DCDC1: variants seen among roughly 807,000 people sequenced by gnomAD.
DCDC1 encodes the protein doublecortin domain-containing protein 1.
In DCDC1, 200 loss-of-function variants were observed where a neutral mutation model predicts 178.3. The observed-to-expected ratio is 1.12, with a 90% CI of 1.00 to 1.26. The LOEUF (loss-of-function observed/expected upper bound fraction) is 1.26, where lower values mean the gene tolerates loss of function less well. Among genes scored for constraint, DCDC1 ranks in the 50% most tolerant of loss-of-function variants. The pLI is 0.00. For missense variants in DCDC1, 1,983 were observed against 1,749.2 expected, an observed-to-expected ratio of 1.13 and a Z score of -2.38; for synonymous variants, 690 against 604.8, an observed-to-expected ratio of 1.14 and a Z score of -2.07.
At chr11:30,920,429 T>C (rs1946164093) in intron 25 of DCDC1, among the ~76,000 whole-genome samples, 2 of 152,214 alleles carry the variant, frequency 1.3e-5, no homozygotes, top group Admixed American at 6.5e-5. Context: ...TATTAACATG[T>C]GTCAACTTGA....
chr11:31,178,657 CTT>C (rs2136270963), intron 9 of DCDC1, among the ~76,000 whole-genome samples: 1 of 152,232 alleles, frequency 6.6e-6, no homozygotes, highest in South Asian at 2.1e-4. Context: ...ATAAAAACAA[CTT>C]AAACAACTCA....
At chr11:31,058,179 G>A (rs1050013974) in intron 20 of DCDC1, among the ~76,000 whole-genome samples, 2 of 152,118 alleles carry the variant, frequency 1.3e-5, no homozygotes, top group South Asian at 2.1e-4. Flanking sequence ...ATTGACACAC[G>A]AGTAGATCAT....
chr11:31,346,268 T>C (rs1236986870), intron 1 of DCDC1, among the ~76,000 whole-genome samples: 1 of 151,984 alleles, frequency 6.6e-6, no homozygotes, highest in African/African-American at 2.4e-5. Flanking sequence ...GAGACTAGCC[T>C]GGCCAATATG....
At chr11:31,334,946 G>A (rs535824201) in intron 2 of DCDC1, among the ~76,000 whole-genome samples, 7 of 152,246 alleles carry the variant, frequency 4.6e-5, no homozygotes, top group East Asian at 3.9e-4. Flanking sequence ...GCTGTCAGAC[G>A]GGGACGTTTA....
intron 20 of DCDC1, among the ~76,000 whole-genome samples, chr11:31,020,236 C>T (rs1952779006): frequency 6.6e-6 from 1 of 152,132 alleles, no homozygotes; most frequent in Non-Finnish European, 1.5e-5. Flanking sequence ...AATAAAACAG[C>T]TCTTCTGGTC....
At chr11:31,207,723 A>C (rs1438762016) in intron 9 of DCDC1, among the ~76,000 whole-genome samples, 1 of 151,640 alleles carries the variant, frequency 6.6e-6, no homozygotes, top group African/African-American at 2.4e-5. Context: ...CTATTTCTCT[A>C]CTCTGCTTAC....
intron 1 of DCDC1, among the ~76,000 whole-genome samples, chr11:31,342,309 T>C (rs992571004): frequency 1.3e-5 from 2 of 152,200 alleles, no homozygotes; most frequent in Admixed American, 1.3e-4. Context: ...AAGAGAATGA[T>C]CACGTGTTTC....
intron 11 of DCDC1, among the ~76,000 whole-genome samples, chr11:31,112,363 T>C (rs111967168): frequency 2.0e-5 from 3 of 152,208 alleles, no homozygotes; most frequent in Non-Finnish European, 4.4e-5. Flanking sequence ...AAAGATAGCT[T>C]TCTAAAGAGA....
At chr11:31,109,912 G>A (rs1390318238) in intron 12 of DCDC1, among the ~76,000 whole-genome samples, 1 of 152,054 alleles carries the variant, frequency 6.6e-6, no homozygotes, top group African/African-American at 2.4e-5. Context: ...AGAATCTAGG[G>A]TTTAGAAATA....
intron 20 of DCDC1, among the ~76,000 whole-genome samples, chr11:31,045,065 T>C (rs1954740850): frequency 6.6e-6 from 1 of 152,168 alleles, no homozygotes; most frequent in Non-Finnish European, 1.5e-5. Context: ...TTACAAGACG[T>C]ATAGGCATAA....
chr11:31,055,678 A>C (rs1236406808), intron 20 of DCDC1, among the ~76,000 whole-genome samples: 1 of 152,234 alleles, frequency 6.6e-6, no homozygotes, highest in Non-Finnish European at 1.5e-5. Context: ...GTCATAAAAA[A>C]GGAATGAATT....
intron 9 of DCDC1, among the ~76,000 whole-genome samples, chr11:31,203,475 T>C (rs1971528661): frequency 6.6e-6 from 1 of 152,202 alleles, no homozygotes; most frequent in South Asian, 2.1e-4. Flanking sequence ...ATATAACGGC[T>C]GCTCTAGATT....
chr11:31,059,623 A>AT (rs1294104946), intron 20 of DCDC1, among the ~76,000 whole-genome samples: 1 of 152,092 alleles, frequency 6.6e-6, no homozygotes, highest in African/African-American at 2.4e-5. Flanking sequence ...AGTTCTAGAA[A>AT]TAAGAAATGG....
chr11:30,902,726 C>G (rs1461160884), intron 32 of DCDC1, among the ~76,000 whole-genome samples: 2 of 152,130 alleles, frequency 1.3e-5, no homozygotes, highest in African/African-American at 2.4e-5. Context: ...GATTTGAACC[C>G]TGGTATTCTG....
At chr11:31,128,811 G>T (rs1210466145) in intron 10 of DCDC1, among the ~76,000 whole-genome samples, 3 of 152,112 alleles carry the variant, frequency 2.0e-5, no homozygotes, top group East Asian at 1.9e-4. Flanking sequence ...CAATGTACTG[G>T]TATATTTTTA....
chr11:30,905,467 A>G (rs990590582), intron 30 of DCDC1, among the ~76,000 whole-genome samples: 4 of 152,052 alleles, frequency 2.6e-5, no homozygotes, highest in Non-Finnish European at 5.9e-5. Context: ...GGCCAGAGAG[A>G]GCCTGGATTA....
At chr11:30,871,814 A>C (rs1011961311) in intron 38 of DCDC1, among the ~76,000 whole-genome samples, 1 of 152,068 alleles carries the variant, frequency 6.6e-6, no homozygotes, top group Non-Finnish European at 1.5e-5. Flanking sequence ...TTCTAAGGGA[A>C]TTATAGTGAT....
At chr11:31,098,145 A>T (rs1049492292) in intron 15 of DCDC1, among the ~76,000 whole-genome samples, 4 of 152,314 alleles carry the variant, frequency 2.6e-5, no homozygotes, top group South Asian at 2.1e-4. Flanking sequence ...CAAACACTGG[A>T]GTCCATTTTT....
chr11:30,889,978 G>A (rs967239515), intron 36 of DCDC1, among the ~76,000 whole-genome samples: 6 of 152,128 alleles, frequency 3.9e-5, no homozygotes, highest in Admixed American at 6.6e-5. Flanking sequence ...CAGTGGGACT[G>A]GTTTCTTTAT....
Sources: gnomAD v4.1 joint callset for allele counts (sites outside exome capture counted in the v4.1 genomes callset) on GRCh38, gnomAD v4.1.1 for gene constraint, MANE v1.5 for transcripts, NCBI Gene and HGNC (gene_info 2026-07-23, HGNC 2026-07-21) for gene names.